RYR3: variants seen among roughly 807,000 people sequenced by gnomAD.
RYR3 encodes ryanodine receptor 3.
A neutral mutation model predicts 584.3 loss-of-function variants in RYR3; 207 were observed. The ratio of observed to expected loss-of-function variants is 0.35; its 90% confidence interval spans 0.32 to 0.40. The LOEUF (loss-of-function observed/expected upper bound fraction) is 0.40, where lower values mean the gene tolerates loss of function less well. Ranked by LOEUF, RYR3 falls within the 10% of genes least tolerant of loss-of-function variation. The probability of loss-of-function intolerance (pLI) is 1.00; values close to 1 mark genes in which losing one functional copy is unlikely to be tolerated. For missense variants in RYR3, 5,616 were observed against 6,089.2 expected (o/e 0.92, Z 2.59); for synonymous variants, 2,416 against 2,248.5 (o/e 1.07, Z -2.11).
intron 70 of RYR3, among the ~76,000 whole-genome samples, chr15:33,809,275 G>T (rs939084495): frequency 1.5e-4 from 23 of 152,146 alleles, no homozygotes; most frequent in Admixed American, 9.2e-4. Context: ...AAACCACAGT[G>T]CTGTCCCCTC....
rs1280891777 is a variant in RYR3 at position 33,663,582 on chromosome 15, C to T, written c.5464C>T (p.Arg1822Ter). 2 of 1,613,820 alleles carry T rather than the reference C, an allele frequency of 1.2e-6. No individual in the cohort carries two copies. The highest frequency in any genetic ancestry group is 1.7e-6 in the Non-Finnish European group (2 of 1,179,836). Residue 1822 changes from arginine to a stop codon, truncating the protein, a stop_gained, in exon 36 of 104, where the codon CGA becomes TGA. Coordinates refer to ENST00000634891, the MANE Select transcript of RYR3 (RefSeq NM_001036.6). LOFTEE classifies it high-confidence loss of function. ...TCTCTGCGACTGTGAGCTGCAGCAC[C>T]GAGTGGAGGCCATTGTGGCATTTGG... is the stretch of plus-strand genomic sequence containing the variant. ...SYLCDCELQH[R>*]VEAIVAFGDI... is the part of the protein sequence containing the mutation.
rs1169935538 is a variant in RYR3 at position 33,838,683 on chromosome 15, A to G, written c.12703A>G (p.Met4235Val). 1 of 1,613,984 alleles carries G rather than the reference A, an allele frequency of 6.2e-7. No homozygotes were observed. The highest frequency in any genetic ancestry group is 1.1e-5 in the South Asian group (1 of 91,074). Residue 4235 changes from methionine to valine, a missense_variant, in exon 89 of 104, where the codon ATG becomes GTG. Met to Val is a conservative substitution (Grantham distance 21). Transcript: ENST00000634891. ...CAGAGTGACCAAGATCCTGGGTGACATGCCTGACCCAACCCAATTTGGTAT... is the reference window on the plus strand; with the variant it reads ...CAGAGTGACCAAGATCCTGGGTGACGTGCCTGACCCAACCCAATTTGGTAT... ...NIRVTKILGD[M>V]PDPTQFGIHD...
At chr15:33,765,095 TA>T (rs1419539938) in intron 60 of RYR3, among the ~76,000 whole-genome samples, 1 of 150,072 alleles carries the variant, frequency 6.7e-6, no homozygotes, top group East Asian at 2.0e-4. Flanking sequence ...ATTTGTAGTC[TA>T]AAACAACATA....
intron 16 of RYR3, among the ~76,000 whole-genome samples, chr15:33,587,721 T>C (rs1476080485): frequency 6.6e-6 from 1 of 152,218 alleles, no homozygotes; most frequent in African/African-American, 2.4e-5. Flanking sequence ...TTTCCATCTT[T>C]GGATAGATTT....
At chr15:33,523,386 T>C (rs920987540) in intron 3 of RYR3, among the ~76,000 whole-genome samples, 1 of 152,036 alleles carries the variant, frequency 6.6e-6, no homozygotes, top group Non-Finnish European at 1.5e-5. Flanking sequence ...ACTGCGAGGG[T>C]CTGAAGCTTC....
At chr15:33,671,028 G>A (rs1004972786) in intron 38 of RYR3, among the ~76,000 whole-genome samples, 2 of 151,912 alleles carry the variant, frequency 1.3e-5, no homozygotes, top group South Asian at 2.1e-4. Context: ...TTGGATTTGG[G>A]GTATGATTTT....
At chr15:33,768,975 C>T (rs749349236) in intron 61 of RYR3, 137 bp from the exon 62 acceptor site, 16 of 733,906 alleles carry the variant, frequency 2.2e-5, no homozygotes, top group African/African-American at 3.5e-5. Flanking sequence ...AATGCATTGT[C>T]GCTGAACACA....
chr15:33,724,058 C>T lies in RYR3; in HGVS notation c.6801-7C>T, dbSNP rs774466267. On this transcript the variant is annotated splice_polypyrimidine_tract_variant and splice_region_variant and intron_variant, in intron 44 of 103. Coordinates refer to ENST00000634891, the MANE Select transcript of RYR3 (RefSeq NM_001036.6). ...TCCTCACACCTCCCCTCTGTTGGTT[C>T]TCTCAGCAGCACGGGGGACGATGAA... 4.5e-6 allele frequency: 7 copies of T among 1,555,306 alleles called. No homozygotes were observed. The highest frequency in any genetic ancestry group is 2.2e-5 in the East Asian group (1 of 44,536).
intron 17 of RYR3, among the ~76,000 whole-genome samples, chr15:33,602,053 A>T (rs533761356): frequency 2.0e-5 from 3 of 152,356 alleles, no homozygotes; most frequent in Admixed American, 6.5e-5. Context: ...TAGTCCATGC[A>T]TGTGGCTGCA....
chr15:33,814,837 G>T (rs577761023), intron 74 of RYR3, among the ~76,000 whole-genome samples: 2 of 146,508 alleles, frequency 1.4e-5, no homozygotes, highest in East Asian at 2.1e-4. Flanking sequence ...GGAGGCGGAG[G>T]TTACAGTGAG....
At chr15:33,718,556 G>A (rs2067667823) in intron 43 of RYR3, among the ~76,000 whole-genome samples, 2 of 152,024 alleles carry the variant, frequency 1.3e-5, no homozygotes, top group Non-Finnish European at 2.9e-5. Context: ...TCCTCCTGAA[G>A]GATGAAATGG....
chr15:33,647,382 A>C (rs1411015199), intron 29 of RYR3, 42 bp from the exon 30 acceptor site: 1 of 1,548,218 alleles, frequency 6.5e-7, no homozygotes, highest in Non-Finnish European at 8.9e-7. Flanking sequence ...TGGGATTCTC[A>C]ATACAGCTGA....
chr15:33,488,657 C>T (rs1214528613), intron 2 of RYR3, among the ~76,000 whole-genome samples: 1 of 152,036 alleles, frequency 6.6e-6, no homozygotes, highest in African/African-American at 2.4e-5. Flanking sequence ...TCGAGACCAT[C>T]CTGGCCAACA....
intron 1 of RYR3, among the ~76,000 whole-genome samples, chr15:33,459,184 G>A (rs1465089494): frequency 6.6e-6 from 1 of 152,214 alleles, no homozygotes; most frequent in Non-Finnish European, 1.5e-5. Flanking sequence ...AGATAAGTAT[G>A]ATGCTCACAT....
chr15:33,628,372 C>G, intron 20 of RYR3, 99 bp from the exon 21 acceptor site: 1 of 763,728 alleles, frequency 1.3e-6, no homozygotes, highest in Non-Finnish European at 2.2e-6. Context: ...GCAGCTCCTC[C>G]TGGGTGATGT....
rs1464226711 is a variant in RYR3 at position 33,581,711 on chromosome 15, T to C, written c.1573+68T>C. 5 of 1,418,996 alleles carry C rather than the reference T, an allele frequency of 3.5e-6. No homozygotes were observed. In the African/African-American group the frequency reaches 4.2e-5, roughly 12 times the overall value. 87.9% of individuals were successfully genotyped at this position (1,418,996 alleles called of 1,614,324 possible). ...GGGATTTCCACGTGCAATCCCAAGA[T>C]TGTCTTTAACTTGCCATTAACCCTG... is the stretch of plus-strand genomic sequence containing the variant. On this transcript the variant is annotated intron_variant, in intron 14 of 103. Transcript: ENST00000634891.
Position 33,662,640 on chromosome 15 carries a change from C to T in RYR3, c.5110C>T (p.Gln1704Ter). ...KALSMLTEAV[Q>*]CSGAHIRDPV... ...TCTGAGTATGCTGACAGAGGCAGTG[C>T]AGTGCAGCGGGGCCCACATCCGAGA... Residue 1704 changes from glutamine to a stop codon, truncating the protein, a stop_gained, in exon 35 of 104, where the codon CAG becomes TAG. Transcript: ENST00000634891. LOFTEE classifies it high-confidence loss of function. The T allele has an allele frequency of 6.2e-7, 1 of 1,614,018 alleles. No homozygotes were observed. The highest frequency in any genetic ancestry group is 2.2e-5 in the East Asian group (1 of 44,882).
At chr15:33,808,658 G>T (rs571501742) in intron 70 of RYR3, among the ~76,000 whole-genome samples, 1 of 152,042 alleles carries the variant, frequency 6.6e-6, no homozygotes, top group African/African-American at 2.4e-5. Flanking sequence ...GCCCTGAGTC[G>T]CAACCTTTAG....
intron 38 of RYR3, among the ~76,000 whole-genome samples, chr15:33,693,138 A>G (rs1365301390): frequency 6.6e-6 from 1 of 152,236 alleles, no homozygotes; most frequent in African/African-American, 2.4e-5. Context: ...GGGACTAGAA[A>G]AACTTAAATT....
Sources: gnomAD v4.1 joint callset for allele counts (sites outside exome capture counted in the v4.1 genomes callset) on GRCh38, gnomAD v4.1.1 for gene constraint, MANE v1.5 for transcripts, NCBI Gene and HGNC (gene_info 2026-07-23, HGNC 2026-07-21) for gene names.